Variants in PSTPIP1 observed in about 807,000 individuals in gnomAD.
PSTPIP1 encodes proline-serine-threonine phosphatase-interacting protein 1.
A neutral mutation model predicts 69.6 loss-of-function variants in PSTPIP1; 66 were observed. The observed-to-expected ratio is 0.95, with a 90% CI of 0.78 to 1.16. PSTPIP1 has a LOEUF of 1.16. Ranked by LOEUF, PSTPIP1 falls within the 50% of genes most tolerant of loss-of-function variation. The pLI is 0.00. For synonymous variants in PSTPIP1, 266 were observed against 222.7 expected, an observed-to-expected ratio of 1.19 and a Z score of -1.73; for missense variants, 603 against 557.4, an observed-to-expected ratio of 1.08 and a Z score of -0.82.
chr15:77,001,654 G>A (rs1306755172), intron 1 of PSTPIP1, among the ~76,000 whole-genome samples: 2 of 152,252 alleles, frequency 1.3e-5, no homozygotes, highest in Non-Finnish European at 2.9e-5. Context: ...AGTGAGGACG[G>A]AGGCTCTCCC....
intron 1 of PSTPIP1, among the ~76,000 whole-genome samples, chr15:77,008,571 G>A (rs1030737778): frequency 1.3e-4 from 20 of 152,008 alleles, no homozygotes; most frequent in African/African-American, 4.6e-4. Context: ...CACCACACCC[G>A]GCTAATTTTT....
In PSTPIP1 at chr15:77,029,536, A is replaced by G; in HGVS notation, c.524A>G (p.Asn175Ser). 6.3e-7 allele frequency: 1 copy of G among 1,581,916 alleles called. No individual in the cohort carries two copies. The highest frequency in any genetic ancestry group is 8.6e-7 in the Non-Finnish European group (1 of 1,164,828). The change falls in exon 8 of 15, where the codon AAC becomes AGC. Residue 175 changes from asparagine to serine, a missense_variant. Coordinates refer to ENST00000558012, the MANE Select transcript of PSTPIP1 (RefSeq NM_003978.5). ...TCCCCTCTGTTTCCTCAGAGTCAGA[A>G]CAAAGCCAGGCAGTGCAAGGACTCG... ...GHQKQVEKSQNKARQCKDSAT... is the reference protein window; with the variant it reads ...GHQKQVEKSQSKARQCKDSAT...
Position 77,027,949 on chromosome 15 carries a change from C to T in PSTPIP1, c.417+35C>T, listed in dbSNP as rs747130710. 16 of 1,511,866 alleles carry T rather than the reference C, an allele frequency of 1.1e-5. No homozygotes were observed. In the African/African-American group the frequency reaches 1.8e-4, roughly 17 times the overall value. The allele number at this position is 1,511,866 out of a possible 1,614,324, so 93.7% of individuals were successfully genotyped here. A position where few individuals can be genotyped will look rare whatever the true frequency, so the allele number is the denominator to read the frequency against. ...AGGGCCTGGGGCCGCGGCCTTCCCT[C>T]GAGGAGCAGCGCAGGTCTCAGGGTG... On this transcript the variant is annotated intron_variant, in intron 6 of 14. Coordinates refer to ENST00000558012, the MANE Select transcript of PSTPIP1 (RefSeq NM_003978.5). The surrounding 1 kb of genome is among the most constrained non-coding windows in gnomAD (Gnocchi z 4.3).
chr15:77,010,402 C>T lies in PSTPIP1; in HGVS notation c.37-7746C>T, dbSNP rs2152672126. 1.3e-5 allele frequency among the ~76,000 whole-genome samples: 2 copies of T among 152,312 alleles called. 1 individual carries two copies. The highest frequency in any genetic ancestry group is 1.3e-4 in the Admixed American group (2 of 15,306). On this transcript the variant is annotated intron_variant, in intron 1 of 14. Transcript: ENST00000558012. ...TGAACCTGGAACCTGGTCCTGGTTC[C>T]TATGACCTCCTGGGAAGGTCCTGCC...
chr15:77,029,445 G>C, intron 7 of PSTPIP1, 84 bp from the exon 8 acceptor site: 1 of 1,498,590 alleles, frequency 6.7e-7, no homozygotes, highest in Middle Eastern at 1.7e-4. Context: ...GGCCGGGGAA[G>C]CTTGACAGTC....
At chr15:77,028,779 C>T (rs2076347549) in intron 7 of PSTPIP1, 127 bp downstream of exon 7, 7 of 794,324 alleles carry the variant, frequency 8.8e-6, no homozygotes, top group South Asian at 6.5e-5. Flanking sequence ...CCTCTCTGAC[C>T]CCCAATCTCC....
At chr15:77,017,703 G>GGGCCGCT (rs1390064436) in intron 1 of PSTPIP1, among the ~76,000 whole-genome samples, 1 of 152,230 alleles carries the variant, frequency 6.6e-6, no homozygotes, top group Non-Finnish European at 1.5e-5. Context: ...CTTTCCAGCT[G>GGGCCGCT]GGCCGCTCTG....
At chr15:77,029,847 T>C (rs2076374624) in intron 8 of PSTPIP1, among the ~76,000 whole-genome samples, 1 of 152,190 alleles carries the variant, frequency 6.6e-6, no homozygotes, top group Non-Finnish European at 1.5e-5. Context: ...ACAGAGGCAC[T>C]AAAAGGTCCA....
intron 3 of PSTPIP1, among the ~76,000 whole-genome samples, chr15:77,023,041 G>A (rs2076195355): frequency 1.3e-5 from 2 of 152,256 alleles, no homozygotes; most frequent in African/African-American, 4.8e-5. Flanking sequence ...CGTTCAGGCA[G>A]GCTCCCAGCT....
At chr15:77,032,271 T>C (rs1448541300) in intron 10 of PSTPIP1, 27 bp from the exon 11 acceptor site, 1 of 1,608,672 alleles carries the variant, frequency 6.2e-7, no homozygotes, top group African/African-American at 1.3e-5. Context: ...GGCATCGGGC[T>C]GCGGCCTCTG....
At chr15:77,016,546 A>G (rs1373709709) in intron 1 of PSTPIP1, among the ~76,000 whole-genome samples, 1 of 152,136 alleles carries the variant, frequency 6.6e-6, no homozygotes, top group Non-Finnish European at 1.5e-5. Context: ...CAGGCTAGAC[A>G]CGCTGCTTGT....
chr15:77,028,137 G>T (rs1285027865), intron 6 of PSTPIP1, among the ~76,000 whole-genome samples: 6 of 152,276 alleles, frequency 3.9e-5, no homozygotes, highest in East Asian at 3.9e-4. Flanking sequence ...TGTGGGGCTC[G>T]TGAATGAAGG....
At chr15:77,035,597 C>A (rs1272779557) in intron 13 of PSTPIP1, 34 bp downstream of exon 13, 2 of 1,554,238 alleles carry the variant, frequency 1.3e-6, no homozygotes, top group East Asian at 2.4e-5. Context: ...CCCAAACACA[C>A]TGATCCTGGG....
At chr15:77,028,254 G>A (rs1045865086) in intron 6 of PSTPIP1, 4 of 499,352 alleles carry the variant, frequency 8.0e-6, no homozygotes, top group South Asian at 4.8e-5. Context: ...AAGAGGGCGC[G>A]GCGTGGCGAG....
rs1445321867 is a variant in PSTPIP1 at position 77,025,526 on chromosome 15, C to T, written c.276C>T (p.Ile92=). The T allele has an allele frequency of 1.3e-6, 2 of 1,555,976 alleles. No individual in the cohort carries two copies. The highest frequency in any genetic ancestry group is 1.7e-6 in the Non-Finnish European group (2 of 1,149,744). Residue 92 remains isoleucine (I), a synonymous_variant, in exon 5 of 15, where the codon ATC becomes ATT. Coordinates refer to ENST00000558012, the MANE Select transcript of PSTPIP1 (RefSeq NM_003978.5). ...TGGAGAATGTGGGCAGCTCACACAT[C>T]CAGCTGGCCCTGACCCTGCGTGAGG... is the stretch of plus-strand genomic sequence containing the variant. The part of the protein sequence containing the change: ...QQMENVGSSH[I]QLALTLREEL...
intron 13 of PSTPIP1, 69 bp from the exon 14 acceptor site, chr15:77,035,731 CCA>C: frequency 6.5e-7 from 1 of 1,532,260 alleles, no homozygotes. Flanking sequence ...TGGAGAAACC[CCA>C]TTCTAGTAGG....
intron 1 of PSTPIP1, among the ~76,000 whole-genome samples, chr15:77,006,159 C>A (rs1365107413): frequency 6.6e-6 from 1 of 152,064 alleles, no homozygotes; most frequent in Non-Finnish European, 1.5e-5. Context: ...ATCATAGCCA[C>A]CTTAGGAGGC....
At chr15:77,007,260 A>G (rs1160861759) in intron 1 of PSTPIP1, among the ~76,000 whole-genome samples, 2 of 152,180 alleles carry the variant, frequency 1.3e-5, no homozygotes, top group Non-Finnish European at 2.9e-5. Context: ...GTGGATCAAG[A>G]TAAGACCCTG....
intron 14 of PSTPIP1, 81 bp from the exon 15 acceptor site, chr15:77,036,964 G>C: frequency 6.4e-7 from 1 of 1,550,698 alleles, no homozygotes; most frequent in Non-Finnish European, 8.8e-7. Flanking sequence ...TTACTGCTGG[G>C]TGGGGGAACG....
Sources: allele counts gnomAD v4.1 joint callset (sites outside exome capture counted in the v4.1 genomes callset), GRCh38; gene constraint gnomAD v4.1.1; non-coding constraint Gnocchi (gnomAD v3.1); transcripts MANE v1.5; gene names NCBI Gene and HGNC (gene_info 2026-07-23, HGNC 2026-07-21).